Variants in PTPRT observed in about 807,000 individuals in gnomAD.
PTPRT encodes protein tyrosine phosphatase receptor type T.
Under a neutral mutation model 176.8 loss-of-function variants are expected in PTPRT, and 56 were observed. The observed-to-expected ratio is 0.32, with a 90% CI of 0.26 to 0.40. PTPRT has a LOEUF of 0.40. Among genes scored for constraint, PTPRT ranks in the 10% least tolerant of loss-of-function variants. PTPRT has a pLI of 1.00. For synonymous variants in PTPRT, 783 were observed against 739.0 expected (o/e 1.06, Z -0.96); for missense variants, 1,540 against 1,908.2 (o/e 0.81, Z 3.60).
chr20:42,673,330 G>A (rs1467512848), intron 7 of PTPRT, among the ~76,000 whole-genome samples: 3 of 152,100 alleles, frequency 2.0e-5, no homozygotes, highest in Non-Finnish European at 4.4e-5. Flanking sequence ...GTAAAACTTG[G>A]GTATGAAATG....
intron 7 of PTPRT, among the ~76,000 whole-genome samples, chr20:42,542,395 G>A (rs12106011): frequency 0.12 from 18,032 of 146,610 alleles, 1,143 homozygotes; most frequent in East Asian, 0.19. Context: ...AGTTTCCAGG[G>A]GGAAAAAAAA....
At chr20:42,317,738 A>G (rs981207258) in intron 11 of PTPRT, among the ~76,000 whole-genome samples, 3 of 152,220 alleles carry the variant, frequency 2.0e-5, no homozygotes, top group Non-Finnish European at 4.4e-5. Flanking sequence ...GACACACTCA[A>G]TATGGCAAGT....
intron 1 of PTPRT, among the ~76,000 whole-genome samples, chr20:43,086,166 C>G (rs1004634484): frequency 1.1e-4 from 16 of 152,182 alleles, no homozygotes; most frequent in African/African-American, 3.6e-4. Context: ...TCTGTCACCA[C>G]CAAACTTCTT....
intron 6 of PTPRT, among the ~76,000 whole-genome samples, chr20:42,709,524 A>C (rs1263211204): frequency 6.6e-6 from 1 of 152,192 alleles, no homozygotes; most frequent in African/African-American, 2.4e-5. Flanking sequence ...AATAGATGCT[A>C]CCAGTATGCT....
In PTPRT at chr20:42,845,384, G is replaced by T. The variant is rs1048818779; in HGVS notation, c.214+40423C>A. Among the ~76,000 whole-genome samples the T allele has an allele frequency of 2.0e-5, 3 of 152,258 alleles. No homozygotes were observed. In the South Asian group the frequency reaches 6.2e-4, roughly 32 times the overall value. ...ATCTTTTCCATATATGCAGGTTTAT[G>T]ATTTTATATAAACCTGTTTCTCATC... On this transcript the variant is annotated intron_variant, in intron 2 of 30. Coordinates refer to ENST00000373187, the MANE Select transcript of PTPRT (RefSeq NM_007050.6).
Position 42,080,766 on chromosome 20 carries a change from G to C in PTPRT, c.*113C>G, listed in dbSNP as rs1002389699. On this transcript the variant is annotated 3_prime_UTR_variant, in exon 31 of 31. Transcript: ENST00000373187. ...CACAGGGCCACCAGTCTTCTCCTTG[G>C]AGTCAGGCAGGGTGCCACCTCAGAG... 4 of 1,054,384 alleles carry C rather than the reference G, an allele frequency of 3.8e-6. No individual in the cohort carries two copies. Among genetic ancestry groups the C allele is most frequent in the Non-Finnish European group, 5.8e-6 (4 of 694,970 alleles). The allele number at this position is 1,054,384 out of a possible 1,614,324, so 65.3% of individuals were successfully genotyped here.
intron 1 of PTPRT, among the ~76,000 whole-genome samples, chr20:42,895,091 A>T (rs1314261450): frequency 1.3e-5 from 2 of 152,214 alleles, no homozygotes; most frequent in African/African-American, 2.4e-5. Flanking sequence ...TTTTCTATAA[A>T]AGGCTAGATA....
intron 9 of PTPRT, among the ~76,000 whole-genome samples, chr20:42,398,610 G>A (rs2058874844): frequency 6.6e-6 from 1 of 152,130 alleles, no homozygotes; most frequent in South Asian, 2.1e-4. Context: ...AAATCTCTTT[G>A]TATATGTCTT....
At position 42,141,434 on chromosome 20, in the gene PTPRT, C is replaced by T. The variant is rs1429014570; in HGVS notation, c.2770+481G>A. On this transcript the variant is annotated intron_variant, in intron 18 of 30. Coordinates refer to ENST00000373187, the MANE Select transcript of PTPRT (RefSeq NM_007050.6). ...CTTGGAGGAGCATCATTCTCTTGCC[C>T]GGGTTCTCCTAGCCCCTCCCTCACA... 3.3e-5 allele frequency among the ~76,000 whole-genome samples: 5 copies of T among 152,178 alleles called. No individual in the cohort carries two copies. The East Asian group carries it at 5.8e-4, about 18-fold the overall frequency.
At chr20:42,820,012 G>C (rs774231207) in intron 2 of PTPRT, among the ~76,000 whole-genome samples, 2 of 152,124 alleles carry the variant, frequency 1.3e-5, no homozygotes, top group Non-Finnish European at 2.9e-5. Flanking sequence ...AGATCAATGA[G>C]ACAGAAAATT....
chr20:42,179,109 C>A (rs1396520820), intron 16 of PTPRT, among the ~76,000 whole-genome samples: 1 of 152,102 alleles, frequency 6.6e-6, no homozygotes, highest in East Asian at 1.9e-4. Context: ...GTTTGCCAAC[C>A]ACAAATCCTA....
chr20:42,492,940 A>G (rs2145382140), intron 7 of PTPRT, among the ~76,000 whole-genome samples: 1 of 152,220 alleles, frequency 6.6e-6, no homozygotes. Flanking sequence ...TATTCATTCT[A>G]TTTCTCAGAT....
intron 15 of PTPRT, among the ~76,000 whole-genome samples, chr20:42,210,819 G>A (rs916124318): frequency 6.6e-5 from 10 of 152,224 alleles, no homozygotes; most frequent in African/African-American, 1.2e-4. Context: ...TGGAACCAAA[G>A]AAGAGCCCAC....
intron 2 of PTPRT, among the ~76,000 whole-genome samples, chr20:42,883,817 TATGCACAC>T (rs1335691373): frequency 6.4e-5 from 3 of 47,174 alleles, no homozygotes; most frequent in South Asian, 8.1e-4. Flanking sequence ...TACACCCCCA[TATGCACAC>T]ACACACACCC....
At chr20:42,665,279 G>C (rs1307698933) in intron 7 of PTPRT, among the ~76,000 whole-genome samples, 3 of 152,154 alleles carry the variant, frequency 2.0e-5, no homozygotes, top group Admixed American at 6.5e-5. Flanking sequence ...TCAAAAGTGG[G>C]CAAAGGATAT....
intron 6 of PTPRT, among the ~76,000 whole-genome samples, chr20:42,705,526 CAG>C (rs2076040401): frequency 6.6e-6 from 1 of 152,056 alleles, no homozygotes; most frequent in Admixed American, 6.6e-5. Context: ...ATCACAAGGA[CAG>C]GGAATGTCAC....
intron 6 of PTPRT, among the ~76,000 whole-genome samples, chr20:42,704,040 T>TA (rs2076014091): frequency 2.0e-5 from 3 of 152,142 alleles, no homozygotes. Flanking sequence ...ACTTCATATT[T>TA]TTTTTTCTAA....
At chr20:42,861,223 G>C (rs1291678832) in intron 2 of PTPRT, among the ~76,000 whole-genome samples, 2 of 152,142 alleles carry the variant, frequency 1.3e-5, no homozygotes, top group Non-Finnish European at 2.9e-5. Flanking sequence ...ACCCAGGGTG[G>C]TAATGGCTTC....
intron 6 of PTPRT, among the ~76,000 whole-genome samples, chr20:42,692,165 A>G (rs982487393): frequency 2.6e-5 from 4 of 152,130 alleles, no homozygotes; most frequent in African/African-American, 7.2e-5. Context: ...TATTTCAGAG[A>G]CTCCAAAGAG....
Sources: gnomAD v4.1 joint callset for allele counts (sites outside exome capture counted in the v4.1 genomes callset) on GRCh38, gnomAD v4.1.1 for gene constraint, MANE v1.5 for transcripts, NCBI Gene and HGNC (gene_info 2026-07-23, HGNC 2026-07-21) for gene names.